GRID2: variants seen among roughly 807,000 people sequenced by gnomAD.
GRID2 encodes glutamate receptor ionotropic, delta-2.
Under a neutral mutation model 114.8 loss-of-function variants are expected in GRID2, and 33 were observed. The ratio of observed to expected loss-of-function variants is 0.29; its 90% CI spans 0.22 to 0.38. The LOEUF (loss-of-function observed/expected upper bound fraction) is 0.38. Among genes scored for constraint, GRID2 ranks in the 10% least tolerant of loss-of-function variants. The pLI, the probability that GRID2 is intolerant of heterozygous loss-of-function variation, is 1.00. For synonymous variants in GRID2, 505 were observed against 449.9 expected (o/e 1.12, Z -1.55); for missense variants, 1,184 against 1,257.7 (o/e 0.94, Z 0.89).
intron 1 of GRID2, among the ~76,000 whole-genome samples, chr4:93,788,594 A>G (rs368455990): frequency 4.6e-5 from 7 of 152,290 alleles, no homozygotes; most frequent in African/African-American, 1.7e-4. Context: ...ACTGGAAGAA[A>G]AAAGATAACA....
intron 2 of GRID2, among the ~76,000 whole-genome samples, chr4:92,919,657 C>T (rs147779879): frequency 0.11 from 15,993 of 152,074 alleles, 1,420 homozygotes; most frequent in African/African-American, 0.24. Context: ...TGTAGTTGAG[C>T]GGTTTTGAGT....
At chr4:92,958,574 TA>T (rs1250690623) in intron 2 of GRID2, among the ~76,000 whole-genome samples, 8 of 152,236 alleles carry the variant, frequency 5.3e-5, no homozygotes, top group Admixed American at 2.0e-4. Context: ...GATTTGCTAA[TA>T]TTTTGTTGAA....
At chr4:92,756,702 T>C (rs1295710887) in intron 2 of GRID2, among the ~76,000 whole-genome samples, 1 of 152,144 alleles carries the variant, frequency 6.6e-6, no homozygotes, top group African/African-American at 2.4e-5. Flanking sequence ...TTCATTTCCC[T>C]GACTCTTACT....
intron 2 of GRID2, among the ~76,000 whole-genome samples, chr4:93,059,149 C>T (rs1174364713): frequency 6.6e-6 from 1 of 152,098 alleles, no homozygotes; most frequent in Non-Finnish European, 1.5e-5. Flanking sequence ...GCAAGGAGCA[C>T]TCTTCCATTT....
intron 13 of GRID2, among the ~76,000 whole-genome samples, chr4:93,589,825 G>C (rs1441706329): frequency 6.6e-6 from 1 of 151,910 alleles, no homozygotes; most frequent in Non-Finnish European, 1.5e-5. Context: ...ATTTTTTCAT[G>C]TGTTTTTTGG....
At chr4:92,359,522 A>T (rs1042444577) in intron 1 of GRID2, among the ~76,000 whole-genome samples, 5 of 151,944 alleles carry the variant, frequency 3.3e-5, no homozygotes. Flanking sequence ...GCACAGGAAA[A>T]GCCCAGCACA....
At chr4:92,898,242 A>T (rs1747312696) in intron 2 of GRID2, among the ~76,000 whole-genome samples, 1 of 152,160 alleles carries the variant, frequency 6.6e-6, no homozygotes, top group African/African-American at 2.4e-5. Context: ...CGTACCCAGC[A>T]AAATGAGAAC....
intron 14 of GRID2, among the ~76,000 whole-genome samples, chr4:93,740,372 C>T (rs763854208): frequency 3.3e-5 from 5 of 152,196 alleles, no homozygotes; most frequent in Admixed American, 6.5e-5. Context: ...AGCAACCTCA[C>T]GTTCCAATAA....
chr4:92,791,272 C>A (rs1739577056), intron 2 of GRID2, among the ~76,000 whole-genome samples: 1 of 151,576 alleles, frequency 6.6e-6, no homozygotes, highest in Admixed American at 6.6e-5. Flanking sequence ...TTATTACTTC[C>A]CGCCAGTATC....
intron 1 of GRID2, among the ~76,000 whole-genome samples, chr4:92,322,787 A>C (rs1194824651): frequency 6.6e-6 from 1 of 152,140 alleles, no homozygotes; most frequent in Non-Finnish European, 1.5e-5. Context: ...TTAAAGAAAC[A>C]AATTATATTT....
intron 2 of GRID2, among the ~76,000 whole-genome samples, chr4:93,000,922 G>A (rs1471458207): frequency 6.6e-6 from 1 of 151,404 alleles, no homozygotes; most frequent in Non-Finnish European, 1.5e-5. Context: ...AACAAACCAT[G>A]TAACTAAATA....
At chr4:92,932,144 A>C (rs1750287580) in intron 2 of GRID2, among the ~76,000 whole-genome samples, 1 of 151,342 alleles carries the variant, frequency 6.6e-6, no homozygotes, top group South Asian at 2.1e-4. Context: ...AAGAGTCGGG[A>C]AAAGTAATCG....
chr4:92,726,915 A>G (rs561799163), intron 2 of GRID2, among the ~76,000 whole-genome samples: 1 of 152,078 alleles, frequency 6.6e-6, no homozygotes, highest in South Asian at 2.1e-4. Flanking sequence ...AAAAATGGTC[A>G]TCATAAATTA....
intron 1 of GRID2, among the ~76,000 whole-genome samples, chr4:92,530,609 G>A (rs543169326): frequency 6.6e-6 from 1 of 151,108 alleles, no homozygotes; most frequent in Admixed American, 6.6e-5. Context: ...TTTAAAAAGA[G>A]GTCCTTAAAT....
intron 1 of GRID2, among the ~76,000 whole-genome samples, chr4:92,484,781 T>C (rs918620613): frequency 2.0e-5 from 3 of 151,976 alleles, no homozygotes; most frequent in African/African-American, 4.8e-5. Context: ...GTTTGACTTA[T>C]GAGGTATGGA....
chr4:92,511,755 T>C (rs768817289), intron 1 of GRID2, among the ~76,000 whole-genome samples: 1 of 151,812 alleles, frequency 6.6e-6, no homozygotes, highest in Non-Finnish European at 1.5e-5. Flanking sequence ...GCTATAAAAA[T>C]TAAGTGGAGC....
chr4:92,630,241 AC>A (rs1394743900), intron 2 of GRID2, among the ~76,000 whole-genome samples: 1 of 152,040 alleles, frequency 6.6e-6, no homozygotes, highest in Non-Finnish European at 1.5e-5. Context: ...AAAAATGGCT[AC>A]CCTGATGCTT....
chr4:92,483,028 A>G (rs1055531336), intron 1 of GRID2, among the ~76,000 whole-genome samples: 7 of 152,154 alleles, frequency 4.6e-5, no homozygotes, highest in Non-Finnish European at 7.4e-5. Context: ...TTGTTGTTCA[A>G]CTGACATAGT....
chr4:92,874,343 A>T (rs1745482103), intron 2 of GRID2, among the ~76,000 whole-genome samples: 1 of 152,228 alleles, frequency 6.6e-6, no homozygotes, highest in Non-Finnish European at 1.5e-5. Context: ...AAAATGAAAG[A>T]TTAAATTAAC....
Sources: allele counts gnomAD v4.1 joint callset (sites outside exome capture counted in the v4.1 genomes callset), GRCh38; gene constraint gnomAD v4.1.1; transcripts MANE v1.5; gene names NCBI Gene and HGNC (gene_info 2026-07-23, HGNC 2026-07-21).